Variants in PEAK1 observed in about 807,000 individuals in gnomAD.
PEAK1 encodes the protein inactive tyrosine-protein kinase PEAK1.
Under a neutral mutation model 124.7 loss-of-function variants are expected in PEAK1, and 54 were observed. The ratio of observed to expected loss-of-function variants is 0.43; its 90% CI spans 0.35 to 0.54. The LOEUF is 0.54. Among genes scored for constraint, PEAK1 ranks in the 20% least tolerant of loss-of-function variants. The pLI is 0.01. For missense variants in PEAK1, 2,046 were observed against 2,134.5 expected (o/e 0.96, Z 0.82); for synonymous variants, 719 against 760.0 (o/e 0.95, Z 0.89).
chr15:77,290,217 C>T (rs1367808577), intron 2 of PEAK1, among the ~76,000 whole-genome samples: 5 of 152,198 alleles, frequency 3.3e-5, no homozygotes, highest in Admixed American at 2.6e-4. Context: ...CTCCATTTCC[C>T]GGGTTCAAGC....
intron 1 of PEAK1, chr15:77,419,618 G>T: frequency 1.0e-6 from 1 of 984,960 alleles, no homozygotes; most frequent in Non-Finnish European, 1.2e-6. Context: ...GCCTCCCCGC[G>T]TCCAGCTCCT....
At chr15:77,132,237 C>T (rs1357964885) in intron 9 of PEAK1, among the ~76,000 whole-genome samples, 8 of 151,878 alleles carry the variant, frequency 5.3e-5, no homozygotes, top group South Asian at 2.1e-4. Flanking sequence ...TGAGCCACTA[C>T]ATTTGGCTAA....
intron 6 of PEAK1, among the ~76,000 whole-genome samples, chr15:77,250,076 T>C (rs1436990171): frequency 6.7e-6 from 1 of 149,896 alleles, no homozygotes; most frequent in African/African-American, 2.5e-5. Flanking sequence ...ACAAAAAAGC[T>C]CCAATAATGC....
intron 1 of PEAK1, among the ~76,000 whole-genome samples, chr15:77,412,979 A>AT (rs1259487300): frequency 6.6e-6 from 1 of 152,254 alleles, no homozygotes; most frequent in Non-Finnish European, 1.5e-5. Context: ...CACTAAGAAT[A>AT]AAATAAATAT....
chr15:77,199,976 A>C (rs1008359721), intron 6 of PEAK1, among the ~76,000 whole-genome samples: 2 of 152,226 alleles, frequency 1.3e-5, no homozygotes, highest in African/African-American at 4.8e-5. Context: ...TACTGTATGG[A>C]AACATTTTTA....
chr15:77,171,621 A>T (rs955912011), intron 7 of PEAK1, among the ~76,000 whole-genome samples: 3 of 152,218 alleles, frequency 2.0e-5, no homozygotes, highest in Non-Finnish European at 2.9e-5. Context: ...ATGGCACTGT[A>T]GGATGACTAT....
intron 3 of PEAK1, among the ~76,000 whole-genome samples, chr15:77,285,660 A>C (rs986641990): frequency 6.6e-6 from 1 of 152,178 alleles, no homozygotes; most frequent in South Asian, 2.1e-4. Flanking sequence ...AGCTGTTTAT[A>C]ATTTTGTCTT....
At chr15:77,389,911 G>A (rs1302675344) in intron 1 of PEAK1, among the ~76,000 whole-genome samples, 2 of 152,184 alleles carry the variant, frequency 1.3e-5, no homozygotes, top group African/African-American at 2.4e-5. Flanking sequence ...AATGGGATTA[G>A]TGTAGTCTGT....
intron 2 of PEAK1, chr15:77,337,691 A>G: frequency 1.0e-6 from 1 of 985,300 alleles, no homozygotes; most frequent in Non-Finnish European, 1.2e-6. Flanking sequence ...CGGAAAAGTC[A>G]TTTGTCAGTA....
At chr15:77,283,010 TC>T (rs1358122997) in intron 5 of PEAK1, among the ~76,000 whole-genome samples, 9 of 152,204 alleles carry the variant, frequency 5.9e-5, no homozygotes, top group Non-Finnish European at 1.3e-4. Flanking sequence ...GTATCAAATA[TC>T]ATTTTGAATT....
Position 77,192,594 on chromosome 15 carries a change from C to T in PEAK1, c.-114-10554G>A, listed in dbSNP as rs183705109. Among the ~76,000 whole-genome samples, 357 of 152,282 alleles carry T rather than the reference C, an allele frequency of 2.3e-3. 1 individual carries two copies. The highest frequency in any genetic ancestry group is 8.2e-3 in the African/African-American group (339 of 41,558). On this transcript the variant is annotated intron_variant, in intron 6 of 9. Transcript: ENST00000682557. ...TGTATCACTGGACTACTAAAGTGAG[C>T]CCAAACACCTCCCAGTGGAAAGTGA...
intron 2 of PEAK1, among the ~76,000 whole-genome samples, chr15:77,326,671 A>G (rs2065595237): frequency 6.6e-6 from 1 of 152,108 alleles, no homozygotes; most frequent in South Asian, 2.1e-4. Context: ...AGCAATGTTG[A>G]AAAAACAACT....
At chr15:77,244,341 C>T (rs1377026201) in intron 6 of PEAK1, among the ~76,000 whole-genome samples, 1 of 152,170 alleles carries the variant, frequency 6.6e-6, no homozygotes, top group Non-Finnish European at 1.5e-5. Flanking sequence ...TGGAGTTTAG[C>T]TATCAAATTA....
rs757467319 is a variant in PEAK1 at position 77,114,451 on chromosome 15, T to C, written c.4946A>G (p.Asn1649Ser). 62 of 1,613,606 alleles carry C rather than the reference T, an allele frequency of 3.8e-5. No homozygotes were observed. Among genetic ancestry groups the C allele is most frequent in the South Asian group, 5.5e-5 (5 of 91,064 alleles). Residue 1649 changes from asparagine to serine, a missense_variant, in exon 10 of 10, where the codon AAC (asparagine) becomes AGC (serine). By Grantham distance (46) the Asn-to-Ser change is conservative. Coordinates refer to ENST00000682557, the MANE Select transcript of PEAK1 (RefSeq NM_001385026.1). Reference sequence around the variant, plus strand: ...TGAAATGAGGATCCGCTCAGAAGGGTTGGGATTCAGGAGGCAGCTGGCCAG... The same window carrying C: ...TGAAATGAGGATCCGCTCAGAAGGGCTGGGATTCAGGAGGCAGCTGGCCAG... The part of the protein sequence containing the change: ...QQLASCLLNP[N>S]PSERILISDA...
intron 2 of PEAK1, chr15:77,349,418 TA>T (rs2067076090): frequency 1.0e-6 from 1 of 978,974 alleles, no homozygotes; most frequent in African/African-American, 1.8e-5. Flanking sequence ...TCAATCAGTT[TA>T]ACATAAAAAT....
intron 1 of PEAK1, chr15:77,403,897 CT>C: frequency 1.0e-6 from 1 of 984,570 alleles, no homozygotes. Context: ...AACAGAATGA[CT>C]TTTTTTAATT....
intron 5 of PEAK1, among the ~76,000 whole-genome samples, chr15:77,256,035 G>C (rs1162546075): frequency 6.6e-6 from 1 of 152,114 alleles, no homozygotes; most frequent in African/African-American, 2.4e-5. Context: ...CTTGTAGGTG[G>C]GGATAGCATG....
At chr15:77,348,780 T>C in intron 2 of PEAK1, 1 of 984,208 alleles carries the variant, frequency 1.0e-6, no homozygotes, top group Non-Finnish European at 1.2e-6. Context: ...GAATATCTTT[T>C]TTTCTTTTTT....
intron 5 of PEAK1, among the ~76,000 whole-genome samples, chr15:77,271,493 T>C (rs2062029601): frequency 6.6e-6 from 1 of 152,172 alleles, no homozygotes; most frequent in Non-Finnish European, 1.5e-5. Flanking sequence ...ATGCTTATTG[T>C]GGCACTATTC....
Sources: gnomAD v4.1 joint callset for allele counts (sites outside exome capture counted in the v4.1 genomes callset) on GRCh38, gnomAD v4.1.1 for gene constraint, MANE v1.5 for transcripts, NCBI Gene and HGNC (gene_info 2026-07-23, HGNC 2026-07-21) for gene names.